Variants in STOX2 observed in about 807,000 individuals in gnomAD.
STOX2 encodes the protein storkhead-box protein 2.
STOX2 carries 28 observed loss-of-function variants against 60.9 expected under a neutral mutation model. That is an observed-to-expected ratio of 0.46 (90% confidence interval 0.34 to 0.63). The LOEUF (loss-of-function observed/expected upper bound fraction) is 0.63, where lower values mean the gene tolerates loss of function less well. Among genes scored for constraint, STOX2 ranks in the 30% least tolerant of loss-of-function variants. The pLI, the probability that STOX2 is intolerant of heterozygous loss-of-function variation, is 0.01. For missense variants in STOX2, 1,024 were observed against 1,187.7 expected (o/e 0.86, Z 2.03); for synonymous variants, 472 against 463.9 (o/e 1.02, Z -0.22).
chr4:183,999,815 G>T (rs1338548520), intron 1 of STOX2, among the ~76,000 whole-genome samples: 2 of 152,156 alleles, frequency 1.3e-5, no homozygotes, highest in Non-Finnish European at 2.9e-5. Context: ...ACTGTGGCTG[G>T]GCATGGCTTT....
At chr4:183,996,086 G>C (rs971499110) in intron 1 of STOX2, among the ~76,000 whole-genome samples, 24 of 152,214 alleles carry the variant, frequency 1.6e-4, no homozygotes, top group Admixed American at 4.6e-4. Context: ...ATATTTTCAT[G>C]TCTTTTCACA....
At chr4:183,983,288 C>T (rs1179185457) in intron 1 of STOX2, among the ~76,000 whole-genome samples, 3 of 152,152 alleles carry the variant, frequency 2.0e-5, no homozygotes, top group Non-Finnish European at 4.4e-5. Flanking sequence ...CAGAAATAAC[C>T]ATCTTTCTTT....
intron 1 of STOX2, among the ~76,000 whole-genome samples, chr4:183,810,262 C>T (rs75068185): frequency 6.6e-6 from 1 of 152,166 alleles, no homozygotes; most frequent in Non-Finnish European, 1.5e-5. Flanking sequence ...GCCCAGAAAC[C>T]TCCTTCATTG....
chr4:183,972,710 C>G (rs960334554), intron 1 of STOX2, among the ~76,000 whole-genome samples: 1 of 152,160 alleles, frequency 6.6e-6, no homozygotes, highest in African/African-American at 2.4e-5. Flanking sequence ...TTTAAAGACT[C>G]GGACTCTCAT....
At chr4:183,979,726 C>G (rs576131157) in intron 1 of STOX2, among the ~76,000 whole-genome samples, 1 of 152,076 alleles carries the variant, frequency 6.6e-6, no homozygotes, top group South Asian at 2.1e-4. Context: ...TTTTTCTGCC[C>G]TAAGTTCTTC....
At chr4:183,804,583 C>T (rs764532619) in intron 1 of STOX2, among the ~76,000 whole-genome samples, 4 of 152,080 alleles carry the variant, frequency 2.6e-5, no homozygotes, top group Admixed American at 6.5e-5. Flanking sequence ...GGGTTGGGGT[C>T]GGCAGAAAAT....
At chr4:184,004,352 CA>C (rs1458847264) in intron 2 of STOX2, among the ~76,000 whole-genome samples, 1 of 152,312 alleles carries the variant, frequency 6.6e-6, no homozygotes, top group African/African-American at 2.4e-5. Flanking sequence ...GTAATCCCAG[CA>C]CTTTGGGAGG....
chr4:183,890,955 T>A lies in STOX2; in HGVS notation c.364+92900T>A, dbSNP rs572975273. On this transcript the variant is annotated intron_variant, in intron 1 of 2. Coordinates refer to the STOX2 transcript ENST00000513034. ...AGACCCCATCTCTACAAAAAAATTT[T>A]AAAAAATAGGTGGGCATGGTGGTGC... 2.8e-4 allele frequency among the ~76,000 whole-genome samples: 42 copies of A among 151,836 alleles called. No homozygotes were observed. In the East Asian group the frequency reaches 6.4e-3, roughly 23 times the overall value.
chr4:183,903,364 T>A (rs1741504831), upstream of STOX2, among the ~76,000 whole-genome samples: 1 of 152,142 alleles, frequency 6.6e-6, no homozygotes, highest in Admixed American at 6.5e-5. Flanking sequence ...TGTAACACCA[T>A]CTCCCCCACT....
rs6857152 is a variant in STOX2 at position 184,019,543 on chromosome 4, A to G, written c.*2259A>G. On this transcript the variant is annotated 3_prime_UTR_variant, in exon 4 of 4. Transcript: ENST00000308497. ...ATAATCGAATACTGTGTGAACAGGA[A>G]AGGAAAGCGTTACCTTTAAGAGAAG... 0.52 allele frequency: 79,738 copies of G among 152,154 alleles called. 24,014 individuals are homozygous for G. The highest frequency in any genetic ancestry group is 0.69 in the Non-Finnish European group (46,704 of 67,988). 9.4% of individuals were successfully genotyped at this position (152,154 alleles called of 1,614,324 possible).
At chr4:183,969,380 C>T (rs1743672124) in intron 1 of STOX2, among the ~76,000 whole-genome samples, 1 of 152,142 alleles carries the variant, frequency 6.6e-6, no homozygotes, top group African/African-American at 2.4e-5. Flanking sequence ...TTTATATTAA[C>T]AGTTTGATAT....
At position 183,826,652 on chromosome 4, in the gene STOX2, C is replaced by T. The variant is rs150711080; in HGVS notation, c.364+28597C>T. Among the ~76,000 whole-genome samples, 852 of 152,374 alleles carry T rather than the reference C, an allele frequency of 5.6e-3. 3 individuals carry two copies. The highest frequency in any genetic ancestry group is 0.019 in the African/African-American group (775 of 41,586). On this transcript the variant is annotated intron_variant, in intron 1 of 2. Coordinates refer to the STOX2 transcript ENST00000513034. ...ATGTGGCCCTGGCAGGTCACACCAT[C>T]GCCCTCAACTTCAGTTTTCCCGACC...
At chr4:183,964,026 C>T (rs374179738) in intron 1 of STOX2, among the ~76,000 whole-genome samples, 20 of 152,266 alleles carry the variant, frequency 1.3e-4, no homozygotes, top group African/African-American at 4.6e-4. Context: ...CTGCCTTCCT[C>T]GGCCTCCCAA....
chr4:183,944,541 C>A (rs1342199011), intron 1 of STOX2, among the ~76,000 whole-genome samples: 1 of 152,120 alleles, frequency 6.6e-6, no homozygotes, highest in African/African-American at 2.4e-5. Context: ...TGCTGAAACC[C>A]CATCTTTACT....
At chr4:183,932,335 CA>C (rs58209021) in intron 1 of STOX2, among the ~76,000 whole-genome samples, 19,159 of 108,768 alleles carry the variant, frequency 0.18, 5,599 homozygotes, top group Middle Eastern at 0.26. Flanking sequence ...TGTATACATA[CA>C]GTATATGTAT....
At chr4:183,991,719 C>T (rs550629474) in intron 1 of STOX2, among the ~76,000 whole-genome samples, 27 of 152,194 alleles carry the variant, frequency 1.8e-4, no homozygotes, top group African/African-American at 4.8e-4. Context: ...CCACCGCGCC[C>T]GGCCAGGGAA....
chr4:183,943,343 A>G (rs1450234402), intron 1 of STOX2, among the ~76,000 whole-genome samples: 1 of 152,208 alleles, frequency 6.6e-6, no homozygotes, highest in African/African-American at 2.4e-5. Context: ...GGCAAGGACT[A>G]TGAATTTGCA....
chr4:183,806,095 C>T lies in STOX2; in HGVS notation c.364+8040C>T, dbSNP rs529087578. On this transcript the variant is annotated intron_variant, in intron 1 of 2. Coordinates refer to the STOX2 transcript ENST00000513034. This position sits in a 1 kb window ranked among gnomAD's most constrained non-coding sequence, Gnocchi z 4.1. ...GACCCCATGCTGAGCAGATCCAGGTCTGAATTTGTCCTTATGACATTAACA... is the reference window on the plus strand; with the variant it reads ...GACCCCATGCTGAGCAGATCCAGGTTTGAATTTGTCCTTATGACATTAACA... 6.6e-6 allele frequency among the ~76,000 whole-genome samples: 1 copy of T among 152,334 alleles called. No homozygotes were observed. Among genetic ancestry groups the T allele is most frequent in the South Asian group, 2.1e-4 (1 of 4,826 alleles).
intron 1 of STOX2, among the ~76,000 whole-genome samples, chr4:183,886,323 G>GGAGGGTGAAGGTTCAGATGGTTGTT (rs1741082067): frequency 6.7e-6 from 1 of 148,652 alleles, no homozygotes; most frequent in African/African-American, 2.4e-5. Flanking sequence ...TGCAAGATCA[G>GGAGGGTGAAGGTTCAGATGGTTGTT]GGTCACTAGG....
Sources: gnomAD v4.1 joint callset for allele counts (sites outside exome capture counted in the v4.1 genomes callset) on GRCh38, gnomAD v4.1.1 for gene constraint, Gnocchi (gnomAD v3.1) non-coding constraint, MANE v1.5 for transcripts, NCBI Gene and HGNC (gene_info 2026-07-23, HGNC 2026-07-21) for gene names.